Variants in REL observed in about 807,000 individuals in gnomAD.
REL encodes the protein proto-oncogene c-Rel.
REL carries 15 observed loss-of-function variants against 45.9 expected under a neutral mutation model. The ratio of observed to expected loss-of-function variants is 0.33; its 90% confidence interval spans 0.22 to 0.50. The LOEUF is 0.50. REL is among the 20% of genes least tolerant of loss of function. REL has a pLI of 0.98. For synonymous variants in REL, 239 were observed against 242.1 expected, an observed-to-expected ratio of 0.99 and a Z score of 0.12; for missense variants, 601 against 715.2, an observed-to-expected ratio of 0.84 and a Z score of 1.82.
At chr2:60,887,277 G>C (rs1252911961) in intron 1 of REL, among the ~76,000 whole-genome samples, 2 of 152,012 alleles carry the variant, frequency 1.3e-5, no homozygotes, top group Middle Eastern at 3.2e-3. Flanking sequence ...ATGAGTATGA[G>C]GAAATACTGA....
intron 1 of REL, among the ~76,000 whole-genome samples, chr2:60,889,823 C>T (rs1274068491): frequency 1.3e-5 from 2 of 152,124 alleles, no homozygotes; most frequent in East Asian, 3.8e-4. Context: ...GTATATGTGC[C>T]ACATTTTCTT....
intron 4 of REL, among the ~76,000 whole-genome samples, chr2:60,910,852 A>G (rs1673794099): frequency 6.6e-6 from 1 of 152,126 alleles, no homozygotes. Flanking sequence ...GAATCTCTTG[A>G]ACCCTGGAGG....
At chr2:60,882,161 A>G (rs573424354) in intron 1 of REL, among the ~76,000 whole-genome samples, 1 of 152,248 alleles carries the variant, frequency 6.6e-6, no homozygotes, top group East Asian at 1.9e-4. Context: ...AAAAATGTAT[A>G]TGTATTGAAG....
intron 3 of REL, among the ~76,000 whole-genome samples, chr2:60,898,802 G>C (rs965854497): frequency 6.6e-6 from 1 of 152,222 alleles, no homozygotes; most frequent in African/African-American, 2.4e-5. Context: ...ATGAGTTACA[G>C]TTTGCCAATC....
At chr2:60,910,160 A>G (rs1673772052) in intron 4 of REL, among the ~76,000 whole-genome samples, 1 of 151,966 alleles carries the variant, frequency 6.6e-6, no homozygotes, top group African/African-American at 2.4e-5. Context: ...AAGGTAGATT[A>G]AACATTTAAC....
chr2:60,921,922 C>G lies in REL; in HGVS notation c.1151C>G (p.Ala384Gly), dbSNP rs749726149. Residue 384 changes from alanine to glycine, a missense_variant, in exon 10 of 10, where the codon GCC becomes GGC. Transcript: ENST00000394479. ...CCTTCTTCAAGCTGGTCATCAGTGG[C>G]CCACCCCACCCCACGCTCAGGCAAT... ...PLPSSSWSSV[A>G]HPTPRSGNTN... 3 of 1,614,054 alleles carry G rather than the reference C, an allele frequency of 1.9e-6. No homozygotes were observed. Among genetic ancestry groups the G allele is most frequent in the Non-Finnish European group, 1.7e-6 (2 of 1,179,988 alleles).
chr2:60,890,190 T>C (rs1442007627), intron 1 of REL, among the ~76,000 whole-genome samples: 1 of 152,246 alleles, frequency 6.6e-6, no homozygotes, highest in Non-Finnish European at 1.5e-5. Flanking sequence ...TGCATTTCTC[T>C]GATGGCCAGT....
intron 3 of REL, chr2:60,900,610 G>A (rs928275114): frequency 2.6e-4 from 45 of 172,150 alleles, no homozygotes; most frequent in Non-Finnish European, 4.8e-4. Flanking sequence ...CGCAACCTCT[G>A]CCTCCCAGGC....
At chr2:60,897,301 T>C (rs1248735988) in intron 3 of REL, among the ~76,000 whole-genome samples, 1 of 143,050 alleles carries the variant, frequency 7.0e-6, no homozygotes, top group African/African-American at 2.6e-5. Flanking sequence ...CTTTTCTTTT[T>C]TCTTTTTTTT....
chr2:60,891,639 C>T, intron 1 of REL, 44 bp from the exon 2 acceptor site: 2 of 1,412,050 alleles, frequency 1.4e-6, no homozygotes, highest in South Asian at 1.5e-5. Context: ...TTATTAATTG[C>T]TATATTAATC....
At chr2:60,917,617 T>G (rs1674012591) in intron 5 of REL, among the ~76,000 whole-genome samples, 1 of 146,362 alleles carries the variant, frequency 6.8e-6, no homozygotes, top group African/African-American at 2.5e-5. Flanking sequence ...GCATGGCAAA[T>G]GCTGGCTCAA....
Position 60,921,804 on chromosome 2 carries a change from C to T in REL, c.1033C>T (p.Pro345Ser), listed in dbSNP as rs772339483. 10 of 1,613,802 alleles carry T rather than the reference C, an allele frequency of 6.2e-6. No individual in the cohort carries two copies. In the South Asian group the frequency reaches 9.9e-5, roughly 16 times the overall value. ...TCATGATGCAGTTGTGAGAGAAATG[C>T]CTACAGGGGTTTCAAGTCAAGCAGA... ...FSHDAVVREM[P>S]TGVSSQAESY... Residue 345 changes from proline to serine, a missense_variant, in exon 10 of 10, where the codon CCT becomes TCT. Pro to Ser is a moderately conservative substitution (Grantham distance 74, BLOSUM62 -1). This residue lies in a region of REL where 334 missense variants were observed against 333.1 expected (regional missense o/e 1.00). Transcript: ENST00000394479.
Position 60,927,741 on chromosome 2 carries a change from T to C in REL, c.*5206T>C. On this transcript the variant is annotated 3_prime_UTR_variant, in exon 10 of 10. Coordinates refer to ENST00000394479, the MANE Select transcript of REL (RefSeq NM_001291746.2). ...CTTTGCAAGGATAACACATGTAGAG[T>C]AAAATGCATAAAGGGGACTAATTTT... 4.4e-6 allele frequency: 1 copy of C among 229,140 alleles called. No individual in the cohort carries two copies. Among genetic ancestry groups the C allele is most frequent in the East Asian group, 6.2e-5 (1 of 16,110 alleles). 14.2% of individuals were successfully genotyped at this position (229,140 alleles called of 1,614,324 possible). A position where few individuals can be genotyped will look rare whatever the true frequency, so the allele number is the denominator to read the frequency against.
chr2:60,896,326 A>G (rs1279351853), intron 3 of REL, among the ~76,000 whole-genome samples: 1 of 152,174 alleles, frequency 6.6e-6, no homozygotes, highest in African/African-American at 2.4e-5. Context: ...TAGGTTTTAA[A>G]ACAATATGTA....
intron 2 of REL, among the ~76,000 whole-genome samples, chr2:60,894,195 A>T (rs922372257): frequency 1.3e-5 from 2 of 152,174 alleles, no homozygotes; most frequent in Admixed American, 1.3e-4. Context: ...AGGGCAGAAA[A>T]TATGTCAAGA....
chr2:60,891,649 C>G, intron 1 of REL, 34 bp from the exon 2 acceptor site: 1 of 1,530,142 alleles, frequency 6.5e-7, no homozygotes, highest in Non-Finnish European at 8.8e-7. Flanking sequence ...CTATATTAAT[C>G]TCACTGACCT....
chr2:60,905,374 A>G (rs1448022494), intron 4 of REL, among the ~76,000 whole-genome samples: 2 of 152,242 alleles, frequency 1.3e-5, no homozygotes, highest in East Asian at 1.9e-4. Flanking sequence ...GATTACAGGC[A>G]TGAGCCACCA....
In REL at chr2:60,900,272, A is replaced by G. The variant is rs114549368; in HGVS notation, c.303-720A>G. ...ATATAGGCAACACTTTTGTGAGCCTAGCAAAACATACCTGTGGGCTTCAAC... is the reference window on the plus strand; with the variant it reads ...ATATAGGCAACACTTTTGTGAGCCTGGCAAAACATACCTGTGGGCTTCAAC... On this transcript the variant is annotated intron_variant, in intron 3 of 9. Transcript: ENST00000394479. 264 of 152,430 alleles carry G rather than the reference A, an allele frequency of 1.7e-3. 1 individual carries two copies. Among genetic ancestry groups the G allele is most frequent in the African/African-American group, 6.2e-3 (259 of 41,580 alleles). 9.4% of individuals were successfully genotyped at this position (152,430 alleles called of 1,614,324 possible). A position where few individuals can be genotyped will look rare whatever the true frequency, so the allele number is the denominator to read the frequency against.
At chr2:60,883,916 T>C (rs1323348205) in intron 1 of REL, among the ~76,000 whole-genome samples, 1 of 149,700 alleles carries the variant, frequency 6.7e-6, no homozygotes, top group Admixed American at 6.7e-5. Context: ...TAACAAGTTA[T>C]TTAAATTGTA....
Sources: allele counts gnomAD v4.1 joint callset (sites outside exome capture counted in the v4.1 genomes callset), GRCh38; gene constraint gnomAD v4.1.1; regional missense constraint gnomAD v4.1.1; transcripts MANE v1.5; gene names NCBI Gene and HGNC (gene_info 2026-07-23, HGNC 2026-07-21).